Variants in MEI4 observed in about 807,000 individuals in gnomAD.
MEI4 encodes meiosis-specific protein MEI4.
Under a neutral mutation model 31.4 loss-of-function variants are expected in MEI4, and 27 were observed. That is an observed-to-expected ratio of 0.86 (90% CI 0.63 to 1.19). The LOEUF (loss-of-function observed/expected upper bound fraction) is 1.19, where lower values mean the gene tolerates loss of function less well. Among genes scored for constraint, MEI4 ranks in the 50% most tolerant of loss-of-function variants. The probability of loss-of-function intolerance (pLI) is 0.00; values close to 1 mark genes in which losing one functional copy is unlikely to be tolerated. For synonymous variants in MEI4, 122 were observed against 145.4 expected, an observed-to-expected ratio of 0.84 and a Z score of 1.16; for missense variants, 329 against 398.9, an observed-to-expected ratio of 0.82 and a Z score of 1.49.
At chr6:77,796,674 T>C (rs1265888620) in intron 3 of MEI4, among the ~76,000 whole-genome samples, 1 of 152,190 alleles carries the variant, frequency 6.6e-6, no homozygotes, top group East Asian at 1.9e-4. Flanking sequence ...CAATGAATAC[T>C]ATAAGACGTT....
chr6:77,812,288 A>C (rs1769591097), intron 3 of MEI4, among the ~76,000 whole-genome samples: 1 of 152,152 alleles, frequency 6.6e-6, no homozygotes, highest in South Asian at 2.1e-4. Context: ...AAAAATTTGA[A>C]TACCCACAAA....
chr6:77,664,654 C>T (rs140340296), intron 1 of MEI4, among the ~76,000 whole-genome samples: 12,541 of 151,720 alleles, frequency 0.083, 712 homozygotes, highest in East Asian at 0.22. Flanking sequence ...AAAGACTCAG[C>T]GACGCTTGGG....
intron 1 of MEI4, among the ~76,000 whole-genome samples, chr6:77,668,731 G>A (rs1056565855): frequency 1.3e-5 from 2 of 151,942 alleles, no homozygotes; most frequent in Admixed American, 1.3e-4. Flanking sequence ...ATAAGATTAT[G>A]GATATAAATC....
intron 2 of MEI4, among the ~76,000 whole-genome samples, chr6:77,734,250 G>A (rs1310258799): frequency 6.6e-6 from 1 of 151,948 alleles, no homozygotes; most frequent in East Asian, 1.9e-4. Context: ...CATTATTAAT[G>A]TGTGGGAGTC....
chr6:77,769,742 A>G (rs1768263827), intron 3 of MEI4, among the ~76,000 whole-genome samples: 1 of 152,078 alleles, frequency 6.6e-6, no homozygotes, highest in South Asian at 2.1e-4. Context: ...TAAACACACC[A>G]TGGGCCAGAA....
intron 3 of MEI4, among the ~76,000 whole-genome samples, chr6:77,793,646 G>T (rs575250347): frequency 2.0e-5 from 3 of 152,256 alleles, no homozygotes; most frequent in African/African-American, 7.2e-5. Flanking sequence ...TGTTATTGGT[G>T]GAAGAGAGGA....
At chr6:77,748,648 T>G (rs1455569733) in intron 2 of MEI4, among the ~76,000 whole-genome samples, 1 of 152,360 alleles carries the variant, frequency 6.6e-6, no homozygotes, top group East Asian at 1.9e-4. Context: ...AACATTAGAC[T>G]CCTCATTATT....
chr6:77,907,372 G>T (rs1203610331), intron 4 of MEI4, among the ~76,000 whole-genome samples: 1 of 152,080 alleles, frequency 6.6e-6, no homozygotes, highest in Non-Finnish European at 1.5e-5. Flanking sequence ...CCACCTATGA[G>T]TGAGAACATG....
intron 4 of MEI4, among the ~76,000 whole-genome samples, chr6:77,873,885 T>C (rs1771262604): frequency 6.6e-6 from 1 of 152,222 alleles, no homozygotes; most frequent in Non-Finnish European, 1.5e-5. Context: ...TGCTTGTTTT[T>C]CTCAGGTTTG....
chr6:77,907,959 G>A (rs1394658443), intron 4 of MEI4, among the ~76,000 whole-genome samples: 1 of 149,628 alleles, frequency 6.7e-6, no homozygotes, highest in Non-Finnish European at 1.5e-5. Context: ...TTTGAGAAGT[G>A]TCTGTTCATA....
chr6:77,890,231 A>T (rs1244744448), intron 4 of MEI4, among the ~76,000 whole-genome samples: 1 of 152,210 alleles, frequency 6.6e-6, no homozygotes, highest in African/African-American at 2.4e-5. Context: ...CAGCCCATGA[A>T]AGCAGCTGGG....
chr6:77,664,555 G>A (rs1183910272), intron 1 of MEI4, among the ~76,000 whole-genome samples: 2 of 152,098 alleles, frequency 1.3e-5, no homozygotes, highest in Admixed American at 1.3e-4. Context: ...ATTATAGGGT[G>A]GAGGAGTGGA....
intron 4 of MEI4, among the ~76,000 whole-genome samples, chr6:77,880,234 G>GTT (rs10547763): frequency 1.6e-4 from 22 of 140,896 alleles, no homozygotes; most frequent in African/African-American, 3.9e-4. Flanking sequence ...TTTTTTGTTT[G>GTT]TTTTTTTTTT....
intron 4 of MEI4, among the ~76,000 whole-genome samples, chr6:77,864,975 A>G (rs1291204399): frequency 6.6e-6 from 1 of 152,360 alleles, no homozygotes; most frequent in Non-Finnish European, 1.5e-5. Context: ...CTGCTCCTGA[A>G]TGACTACTGG....
intron 1 of MEI4, among the ~76,000 whole-genome samples, chr6:77,675,358 A>C (rs1253411982): frequency 6.6e-6 from 1 of 152,124 alleles, no homozygotes; most frequent in Non-Finnish European, 1.5e-5. Context: ...TTCAATGAAC[A>C]CAAGTTTTAA....
intron 2 of MEI4, among the ~76,000 whole-genome samples, chr6:77,699,698 A>G (rs13191371): frequency 0.28 from 42,763 of 151,768 alleles, 6,788 homozygotes; most frequent in South Asian, 0.39. Context: ...TTTTTTCCCC[A>G]TCTTTGTGGT....
intron 3 of MEI4, among the ~76,000 whole-genome samples, chr6:77,799,147 A>G (rs2127699437): frequency 6.6e-6 from 1 of 152,218 alleles, no homozygotes; most frequent in Non-Finnish European, 1.5e-5. Context: ...CATCCTCTCC[A>G]GCACCTGTTG....
At chr6:77,770,445 G>C (rs561273790) in intron 3 of MEI4, among the ~76,000 whole-genome samples, 2 of 152,086 alleles carry the variant, frequency 1.3e-5, no homozygotes, top group South Asian at 4.2e-4. Flanking sequence ...GCCCAAAGCA[G>C]TTTATACATT....
At chr6:77,841,003 G>T (rs1172055794) in intron 4 of MEI4, among the ~76,000 whole-genome samples, 1 of 152,048 alleles carries the variant, frequency 6.6e-6, no homozygotes, top group East Asian at 1.9e-4. Context: ...TGAAAGAAAT[G>T]CTAAAAGCAG....
Sources: gnomAD v4.1 joint callset for allele counts (sites outside exome capture counted in the v4.1 genomes callset) on GRCh38, gnomAD v4.1.1 for gene constraint, MANE v1.5 for transcripts, NCBI Gene and HGNC (gene_info 2026-07-23, HGNC 2026-07-21) for gene names.